ERC2: variants seen among roughly 807,000 people sequenced by gnomAD.
The protein encoded by ERC2 is ERC protein 2.
A neutral mutation model predicts 114.8 loss-of-function variants in ERC2; 42 were observed. That is an observed-to-expected ratio of 0.37 (90% confidence interval 0.29 to 0.47). The LOEUF (loss-of-function observed/expected upper bound fraction) is 0.47. Among genes scored for constraint, ERC2 ranks in the 20% least tolerant of loss-of-function variants. The pLI is 0.99. For synonymous variants in ERC2, 454 were observed against 425.5 expected, an observed-to-expected ratio of 1.07 and a Z score of -0.82; for missense variants, 939 against 1,150.7, an observed-to-expected ratio of 0.82 and a Z score of 2.66.
chr3:56,350,316 T>C (rs1281394890), intron 2 of ERC2, among the ~76,000 whole-genome samples: 2 of 152,240 alleles, frequency 1.3e-5, no homozygotes, highest in African/African-American at 2.4e-5. Flanking sequence ...AACCTCACTT[T>C]CCAAGAGCCA....
chr3:55,828,460 C>CAGCAGGGGCAGCAGGCGCAGCAGGGGT (rs2060425917), intron 14 of ERC2, among the ~76,000 whole-genome samples: 2 of 147,684 alleles, frequency 1.4e-5, no homozygotes, highest in South Asian at 4.3e-4. Context: ...GTGTAGCTGG[C>CAGCAGGGGCAGCAGGCGCAGCAGGGGT]AGCAGGGGCA....
At chr3:56,419,039 C>CTGCTTCAT (rs2061283391) in intron 2 of ERC2, among the ~76,000 whole-genome samples, 1 of 152,238 alleles carries the variant, frequency 6.6e-6, no homozygotes, top group African/African-American at 2.4e-5. Context: ...AGATATATCA[C>CTGCTTCAT]TGCTTCATTC....
At chr3:56,312,438 C>A (rs2150399021) in intron 2 of ERC2, among the ~76,000 whole-genome samples, 1 of 152,116 alleles carries the variant, frequency 6.6e-6, no homozygotes, top group South Asian at 2.1e-4. Flanking sequence ...TAGTTAGCAA[C>A]AATGTATTGT....
intron 7 of ERC2, among the ~76,000 whole-genome samples, chr3:56,078,563 A>G (rs928153485): frequency 5.3e-5 from 8 of 152,160 alleles, no homozygotes; most frequent in Admixed American, 5.2e-4. Context: ...GCACCGAAAC[A>G]AATGAATGCC....
chr3:55,688,134 C>T (rs527737334), intron 16 of ERC2, among the ~76,000 whole-genome samples: 10 of 152,314 alleles, frequency 6.6e-5, no homozygotes, highest in East Asian at 3.9e-4. Flanking sequence ...TAAGATCCCC[C>T]GCCAAAACAG....
chr3:56,014,549 G>A (rs1173845917), intron 8 of ERC2, among the ~76,000 whole-genome samples: 1 of 152,044 alleles, frequency 6.6e-6, no homozygotes, highest in Non-Finnish European at 1.5e-5. Context: ...ACAGTCCAAG[G>A]GGCCAGACTC....
In ERC2 at chr3:55,942,266, C is replaced by CTTTTTTTTTTTTTTTTTTTTTT. The variant is rs56851837; in HGVS notation, c.2403+8137_2403+8158dup. 1.9e-4 allele frequency among the ~76,000 whole-genome samples: 8 copies of CTTTTTTTTTTTTTTTTTTTTTT among 42,110 alleles called. 1 individual carries two copies. Among genetic ancestry groups the CTTTTTTTTTTTTTTTTTTTTTT allele is most frequent in the Admixed American group, 4.1e-4 (1 of 2,462 alleles). 27.6% of individuals were successfully genotyped at this position (42,110 alleles called of 152,430 possible). A position where few individuals can be genotyped will look rare whatever the true frequency, so the allele number is the denominator to read the frequency against. Reference sequence around the variant, plus strand: ...TATTAAATGAAGTCTAAGGTCCTTTCTTTTTTTTTTTTTTTTTTTTTTTTT... The same window carrying CTTTTTTTTTTTTTTTTTTTTTT: ...TATTAAATGAAGTCTAAGGTCCTTTCTTTTTTTTTTTTTTTTTTTTTTTTTTTTTTTTTTTTTTTTTTTTTTT... On this transcript the variant is annotated intron_variant, in intron 13 of 17. Transcript: ENST00000288221.
intron 14 of ERC2, among the ~76,000 whole-genome samples, chr3:55,850,913 T>A (rs2149240756): frequency 6.8e-6 from 1 of 147,392 alleles, no homozygotes. Flanking sequence ...AGGGCAACAT[T>A]TGGTCTCTTC....
At chr3:56,172,412 G>C (rs1419056171) in intron 4 of ERC2, among the ~76,000 whole-genome samples, 1 of 152,124 alleles carries the variant, frequency 6.6e-6, no homozygotes, top group African/African-American at 2.4e-5. Flanking sequence ...TACTCAGATT[G>C]CACATGCCAA....
chr3:55,725,073 T>C (rs1023664371), intron 15 of ERC2, among the ~76,000 whole-genome samples: 3 of 152,232 alleles, frequency 2.0e-5, no homozygotes, highest in Middle Eastern at 3.2e-3. Context: ...ATTTGCATGC[T>C]ATTCCCTGTT....
intron 13 of ERC2, among the ~76,000 whole-genome samples, chr3:55,925,535 A>G (rs2065695583): frequency 6.6e-6 from 1 of 152,278 alleles, no homozygotes; most frequent in Admixed American, 6.5e-5. Flanking sequence ...ACAGAAAGGA[A>G]CTAAGGGTGG....
At chr3:56,095,319 C>T (rs2078005624) in intron 6 of ERC2, among the ~76,000 whole-genome samples, 1 of 151,818 alleles carries the variant, frequency 6.6e-6, no homozygotes, top group Non-Finnish European at 1.5e-5. Flanking sequence ...TATAGGAGCC[C>T]TTTCTAAGCA....
intron 13 of ERC2, among the ~76,000 whole-genome samples, chr3:55,924,479 G>A (rs540138644): frequency 6.6e-6 from 1 of 152,176 alleles, no homozygotes; most frequent in East Asian, 1.9e-4. Context: ...CTCTGTAGGG[G>A]CCTTTTTACT....
At chr3:56,407,657 T>C (rs1479435507) in intron 2 of ERC2, among the ~76,000 whole-genome samples, 1 of 152,192 alleles carries the variant, frequency 6.6e-6, no homozygotes, top group Non-Finnish European at 1.5e-5. Context: ...TCTGCATTTC[T>C]AACAAGCCAA....
intron 7 of ERC2, among the ~76,000 whole-genome samples, chr3:56,042,807 C>A (rs138628576): frequency 6.6e-6 from 1 of 151,854 alleles, no homozygotes; most frequent in Non-Finnish European, 1.5e-5. Flanking sequence ...AAAATGTGGT[C>A]GAAACCCCTA....
chr3:56,335,598 T>A (rs1467300123), intron 2 of ERC2, among the ~76,000 whole-genome samples: 4 of 152,210 alleles, frequency 2.6e-5, no homozygotes, highest in African/African-American at 9.7e-5. Context: ...AGGACAACTC[T>A]TGATAATGGA....
intron 14 of ERC2, among the ~76,000 whole-genome samples, chr3:55,785,711 G>A (rs1200587625): frequency 1.3e-5 from 2 of 152,138 alleles, no homozygotes; most frequent in Admixed American, 6.5e-5. Context: ...CCTCTACTTG[G>A]GGTCGATTCT....
chr3:56,367,509 C>T (rs1295087022), intron 2 of ERC2, among the ~76,000 whole-genome samples: 1 of 152,104 alleles, frequency 6.6e-6, no homozygotes, highest in African/African-American at 2.4e-5. Flanking sequence ...CTTTTCCCAA[C>T]AACTCTCCTA....
chr3:55,880,097 G>A (rs2063049247), intron 14 of ERC2, among the ~76,000 whole-genome samples: 1 of 152,194 alleles, frequency 6.6e-6, no homozygotes, highest in Non-Finnish European at 1.5e-5. Context: ...AAAGGACAGG[G>A]AGGTTTCTTT....
Sources: gnomAD v4.1 joint callset for allele counts (sites outside exome capture counted in the v4.1 genomes callset) on GRCh38, gnomAD v4.1.1 for gene constraint, MANE v1.5 for transcripts, NCBI Gene and HGNC (gene_info 2026-07-23, HGNC 2026-07-21) for gene names.